ETS1: variants seen among roughly 807,000 people sequenced by gnomAD.
The protein encoded by ETS1 is protein C-ets-1.
Under a neutral mutation model 58.6 loss-of-function variants are expected in ETS1, and 15 were observed. The observed-to-expected ratio is 0.26, with a 90% confidence interval of 0.17 to 0.39. ETS1 has a LOEUF of 0.39. Ranked by LOEUF, ETS1 falls within the 10% of genes least tolerant of loss-of-function variation. The pLI is 1.00. For missense variants in ETS1, 417 were observed against 610.5 expected (o/e 0.68, Z 3.34); for synonymous variants, 214 against 218.2 (o/e 0.98, Z 0.17).
rs1861948695 is a variant in ETS1 at position 128,463,182 on chromosome 11, GC to G, written c.1242+326del. ...CTCCCAAGGCCTCTTGAACTGTCTG[GC>G]CCCTTTCACACTCACAGAGCCACCG... On this transcript the variant is annotated intron_variant, in intron 9 of 9. Transcript: ENST00000392668. The surrounding 1 kb of genome is among the most constrained non-coding windows in gnomAD (Gnocchi z 4.1). 6.6e-6 allele frequency among the ~76,000 whole-genome samples: 1 copy of G among 152,150 alleles called. No homozygotes were observed. The highest frequency in any genetic ancestry group is 6.5e-5 in the Admixed American group (1 of 15,286).
chr11:128,561,917 C>T (rs1341689442), intron 2 of ETS1, among the ~76,000 whole-genome samples: 1 of 152,030 alleles, frequency 6.6e-6, no homozygotes, highest in African/African-American at 2.4e-5. Flanking sequence ...AAATGGCAGT[C>T]AGGACAATAA....
intron 2 of ETS1, among the ~76,000 whole-genome samples, chr11:128,571,600 G>A (rs2135579324): frequency 6.8e-6 from 1 of 147,334 alleles, no homozygotes; most frequent in Admixed American, 6.9e-5. Context: ...ACAGTTAACT[G>A]TGTCATACTT....
intron 2 of ETS1, among the ~76,000 whole-genome samples, chr11:128,557,214 T>C (rs1591660799): frequency 3.3e-5 from 5 of 152,040 alleles, no homozygotes; most frequent in African/African-American, 1.2e-4. Context: ...AATTGTAAAA[T>C]GAAAATAATA....
chr11:128,559,683 C>G (rs1445043540), intron 2 of ETS1, among the ~76,000 whole-genome samples: 1 of 152,108 alleles, frequency 6.6e-6, no homozygotes, highest in African/African-American at 2.4e-5. Flanking sequence ...AGACACCTGC[C>G]TGTTTATTAG....
In ETS1 at chr11:128,486,089, T is replaced by C. The variant is rs2135452880; in HGVS notation, c.593A>G (p.Tyr198Cys). Residue 198 changes from tyrosine to cysteine, a missense_variant, in exon 6 of 10, where the codon TAT becomes TGT. By Grantham distance (194) the Tyr-to-Cys change is radical. Transcript: ENST00000392668. Reference protein sequence around the residue: ...GVNPAYPESRYTSDYFISYGI... With the variant: ...GVNPAYPESRCTSDYFISYGI... ...CTTACTAATGAAGTAATCCGAGGTA[T>C]AGCGGGATTCTGGATAGGCTGGGTT... 16 of 1,610,072 alleles carry C rather than the reference T, an allele frequency of 9.9e-6. No individual in the cohort carries two copies. Among genetic ancestry groups the C allele is most frequent in the Non-Finnish European group, 1.4e-5 (16 of 1,176,350 alleles).
At chr11:128,483,694 G>A (rs1417787956) in intron 7 of ETS1, among the ~76,000 whole-genome samples, 2 of 152,196 alleles carry the variant, frequency 1.3e-5, no homozygotes, top group Non-Finnish European at 2.9e-5. Context: ...AGGAGGAAGT[G>A]TGAGTCTGAA....
intron 2 of ETS1, among the ~76,000 whole-genome samples, chr11:128,559,483 C>T (rs189708092): frequency 6.6e-6 from 1 of 152,280 alleles, no homozygotes; most frequent in African/African-American, 2.4e-5. Context: ...TCTTGGTCAA[C>T]ACGTTTTTTA....
chr11:128,525,857 A>G (rs2135525195), intron 3 of ETS1, among the ~76,000 whole-genome samples: 1 of 152,302 alleles, frequency 6.6e-6, no homozygotes, highest in East Asian at 1.9e-4. Context: ...AATAAAATGG[A>G]AAATTAGAGA....
intron 3 of ETS1, among the ~76,000 whole-genome samples, chr11:128,512,324 TGAG>T (rs1289208813): frequency 6.6e-6 from 1 of 152,022 alleles, no homozygotes. Flanking sequence ...TGGATGGAGA[TGAG>T]AAGTGCTTAC....
chr11:128,565,900 C>T (rs368495003), intron 2 of ETS1, among the ~76,000 whole-genome samples: 1 of 152,202 alleles, frequency 6.6e-6, no homozygotes, highest in African/African-American at 2.4e-5. Context: ...AGTGCAGGGA[C>T]AGCAGAGTGA....
At chr11:128,491,504 A>G (rs1393382273) in intron 3 of ETS1, among the ~76,000 whole-genome samples, 1 of 152,240 alleles carries the variant, frequency 6.6e-6, no homozygotes, top group African/African-American at 2.4e-5. Flanking sequence ...CTGAATTGTG[A>G]AGGATGCATG....
intron 3 of ETS1, among the ~76,000 whole-genome samples, chr11:128,543,948 T>C (rs553886164): frequency 3.9e-5 from 6 of 152,202 alleles, no homozygotes; most frequent in Admixed American, 6.5e-5. Context: ...GTTGACTCCC[T>C]GATGACATTT....
chr11:128,490,821 C>A (rs10893880), intron 3 of ETS1, among the ~76,000 whole-genome samples: 1 of 150,362 alleles, frequency 6.7e-6, no homozygotes, highest in Non-Finnish European at 1.5e-5. Context: ...TGGGTTCAAG[C>A]GATTCTCCTG....
intron 1 of ETS1, among the ~76,000 whole-genome samples, chr11:128,586,064 G>C (rs187843652): frequency 1.3e-5 from 2 of 152,260 alleles, no homozygotes; most frequent in East Asian, 3.9e-4. Context: ...GGAGCCTGCC[G>C]GGCAAAGATG....
Position 128,521,731 on chromosome 11 carries a change from G to GTCC in ETS1, c.215-31158_215-31156dup, listed in dbSNP as rs760101577. ...AACCAAGGGTCTAGGGCCACCAACA[G>GTCC]TCCTCCTCCTCCTCCTCCTCCTCCT... On this transcript the variant is annotated intron_variant, in intron 3 of 9. Transcript: ENST00000392668. 1.5e-3 allele frequency among the ~76,000 whole-genome samples: 225 copies of GTCC among 151,664 alleles called. 1 individual carries two copies. Among genetic ancestry groups the GTCC allele is most frequent in the Middle Eastern group, 6.8e-3 (2 of 292 alleles).
rs559430098 is a variant in ETS1 at position 128,535,764 on chromosome 11, T to C, written c.214+20527A>G. 1.3e-3 allele frequency among the ~76,000 whole-genome samples: 203 copies of C among 152,284 alleles called. 2 individuals are homozygous for C. Among genetic ancestry groups the C allele is most frequent in the African/African-American group, 4.7e-3 (195 of 41,572 alleles). On this transcript the variant is annotated intron_variant, in intron 3 of 9. Coordinates refer to ENST00000392668, the MANE Select transcript of ETS1 (RefSeq NM_001143820.2). ...TTTCCTTGCTATTTTACCACCACAA[T>C]CTCAACTTTTGAAAAGTTGTGTCTT...
chr11:128,474,513 C>T lies in ETS1; in HGVS notation c.1123+5678G>A, dbSNP rs76926190. Among the ~76,000 whole-genome samples the T allele has an allele frequency of 1.8e-3, 273 of 152,318 alleles. 1 individual carries two copies. The highest frequency in any genetic ancestry group is 6.3e-3 in the African/African-American group (263 of 41,562). Reference sequence around the variant, plus strand: ...ATAGGAGGCAGAAACAGTGGAATTACTCACAGGCAATAGAAAAGAGCTTTG... The same window carrying T: ...ATAGGAGGCAGAAACAGTGGAATTATTCACAGGCAATAGAAAAGAGCTTTG... On this transcript the variant is annotated intron_variant, in intron 8 of 9. Transcript: ENST00000392668.
intron 3 of ETS1, chr11:128,521,964 G>C (rs1331721404): frequency 6.2e-7 from 1 of 1,603,452 alleles, no homozygotes. Context: ...ATGATGGTGA[G>C]AGTCGGCTTG....
At chr11:128,522,006 T>G in intron 3 of ETS1, 2 of 1,578,660 alleles carry the variant, frequency 1.3e-6, no homozygotes, top group Non-Finnish European at 1.7e-6. Flanking sequence ...GTGCCAGGAG[T>G]GGGGGACGTA....
Sources: allele counts gnomAD v4.1 joint callset (sites outside exome capture counted in the v4.1 genomes callset), GRCh38; gene constraint gnomAD v4.1.1; non-coding constraint Gnocchi (gnomAD v3.1); transcripts MANE v1.5; gene names NCBI Gene and HGNC (gene_info 2026-07-23, HGNC 2026-07-21).